The following OTC variants were observed in gnomAD, a reference collection of about 807,000 sequenced individuals.
The protein encoded by OTC is ornithine transcarbamylase, mitochondrial.
OTC carries 3 observed loss-of-function variants against 30.3 expected under a neutral mutation model. That is an observed-to-expected ratio of 0.10 (90% CI 0.05 to 0.26). OTC has a LOEUF of 0.26. Among genes scored for constraint, OTC ranks in the 10% least tolerant of loss-of-function variants. The pLI is 1.00. For synonymous variants in OTC, 111 were observed against 99.7 expected (o/e 1.11, Z -0.67); for missense variants, 194 against 260.3 (o/e 0.75, Z 1.75).
At chrX:38,420,979 C>G (rs755297191) in intron 9 of OTC, 44 bp from the exon 10 acceptor site, 14 of 1,014,382 alleles carry the variant, frequency 1.4e-5, no homozygotes, top group Non-Finnish European at 1.5e-5. Flanking sequence ...AGCAGACTGT[C>G]GCTAATGTTT....
rs749788803 is a variant in OTC, at chrX:38,367,184, A to G, written c.78-107A>G. 174 of 714,798 alleles carry G rather than the reference A, an allele frequency of 2.4e-4. 1 individual carries two copies. The highest frequency in any genetic ancestry group is 9.5e-4 in the African/African-American group (42 of 44,402). The allele number at this position is 714,798 out of a possible 1,213,427, so 58.9% of individuals were successfully genotyped here. ...AGTGAGAACCTGTCTCAAAAAAAAA[A>G]AAAAGAAAAGAAAAGAATGCCTTAT... On this transcript the variant is annotated intron_variant, in intron 1 of 9. Transcript: ENST00000039007.
chrX:38,396,502 G>A lies in OTC; in HGVS notation c.387-4773G>A, dbSNP rs186132019. Among the ~76,000 whole-genome samples the A allele has an allele frequency of 5.5e-3, 612 of 111,435 alleles. 6 individuals carry two copies. The highest frequency in any genetic ancestry group is 0.018 in the Middle Eastern group (4 of 217). On this transcript the variant is annotated intron_variant, in intron 4 of 9. Coordinates refer to ENST00000039007, the MANE Select transcript of OTC (RefSeq NM_000531.6). ...AAATTTAGACTTCTTAGCCAAGTGC[G>A]GTGGCTCACGCCTGTAATCCCAGCA...
chrX:38,333,837 C>T, the OTC span, among the ~76,000 whole-genome samples: 1 of 112,428 alleles, frequency 8.9e-6, no homozygotes, highest in African/African-American at 3.2e-5. Flanking sequence ...CTACAAACTC[C>T]GCTGGGAAAT....
chrX:38,406,341 A>G (rs2068515689), intron 6 of OTC, among the ~76,000 whole-genome samples: 1 of 112,354 alleles, frequency 8.9e-6, no homozygotes, highest in Non-Finnish European at 1.9e-5. Flanking sequence ...AATTTTGTCC[A>G]TGATTGTAAA....
chrX:38,375,228 A>G (rs1042641718), intron 3 of OTC, among the ~76,000 whole-genome samples: 1 of 112,088 alleles, frequency 8.9e-6, no homozygotes, highest in African/African-American at 3.2e-5. Flanking sequence ...AGTATGTTGG[A>G]AGATGATAAG....
chrX:38,376,455 A>T (rs1249863795), intron 3 of OTC, among the ~76,000 whole-genome samples: 2 of 111,851 alleles, frequency 1.8e-5, no homozygotes, highest in African/African-American at 6.5e-5. Flanking sequence ...TGGAAAATTC[A>T]TCTATGCTTA....
intron 3 of OTC, among the ~76,000 whole-genome samples, chrX:38,370,778 C>T (rs191931916): frequency 9.0e-6 from 1 of 111,245 alleles, no homozygotes; most frequent in Non-Finnish European, 1.9e-5. Context: ...CTGCTCTTCT[C>T]ACCCTTCAAA....
chrX:38,401,774 C>T (rs1001665985), intron 5 of OTC, among the ~76,000 whole-genome samples: 2 of 112,031 alleles, frequency 1.8e-5, no homozygotes, highest in African/African-American at 6.5e-5. Flanking sequence ...CTATAGACAT[C>T]AGGTCTGTGG....
chrX:38,344,945 C>A, the OTC span, among the ~76,000 whole-genome samples: 2 of 109,966 alleles, frequency 1.8e-5, no homozygotes, highest in African/African-American at 3.3e-5. Context: ...CAGTGGCTCA[C>A]GCTTGTAATC....
chrX:38,364,480 C>T (rs1186315071), intron 1 of OTC, among the ~76,000 whole-genome samples: 1 of 111,931 alleles, frequency 8.9e-6, no homozygotes, highest in Non-Finnish European at 1.9e-5. Flanking sequence ...TTGAATATGT[C>T]ATCAATGTCT....
rs368534980 is a variant in OTC, at chrX:38,411,665, C to CA, written c.868-182dup. ...TGGGTGACAGAGCGAGACTCTGTCTCAAAAAAAAAAAAAAATTTGAAAGTA... is the reference window on the plus strand; with the variant it reads ...TGGGTGACAGAGCGAGACTCTGTCTCAAAAAAAAAAAAAAAATTTGAAAGTA... On this transcript the variant is annotated intron_variant, in intron 8 of 9. Transcript: ENST00000039007. Among the ~76,000 whole-genome samples, 2,861 of 87,796 alleles carry CA rather than the reference C, an allele frequency of 0.033. 110 individuals are homozygous for CA. The highest frequency in any genetic ancestry group is 0.11 in the African/African-American group (2,612 of 24,267). The allele number at this position is 87,796 out of a possible 115,157, so 76.2% of individuals were successfully genotyped here.
downstream of OTC, among the ~76,000 whole-genome samples, chrX:38,421,919 A>AT (rs1232932582): frequency 1.0e-5 from 1 of 96,963 alleles, no homozygotes; most frequent in African/African-American, 4.2e-5. Context: ...ATTTTAGCCA[A>AT]TCTTTTTCCT....
At position 38,361,954 on chromosome X, in the gene OTC, C is replaced by A. The variant is rs750462169; in HGVS notation, c.78-5337C>A. 8.1e-5 allele frequency among the ~76,000 whole-genome samples: 9 copies of A among 110,772 alleles called. No homozygotes were observed. In the East Asian group the frequency reaches 2.5e-3, roughly 31 times the overall value. On this transcript the variant is annotated intron_variant, in intron 1 of 9. Transcript: ENST00000039007. ...GGCTATTCACAGTCCCACACACTAC[C>A]ATGCAAATTAAAAACTGCCTGTGTT...
chrX:38,413,904 C>A (rs3788830), intron 9 of OTC, among the ~76,000 whole-genome samples: 27,995 of 107,080 alleles, frequency 0.26, 3,027 homozygotes, highest in African/African-American at 0.35. Flanking sequence ...GAACTCCTGA[C>A]CTCAAATGAT....
chrX:38,417,682 A>G lies in OTC; in HGVS notation c.1006-3341A>G, dbSNP rs750865801. The stretch of plus-strand genomic sequence containing the variant: ...TCAGTTAACACTTTTGAAATATAAG[A>G]CCTGCACTTTTGATATAGGCTAGGA... On this transcript the variant is annotated intron_variant, in intron 9 of 9. Transcript: ENST00000039007. Among the ~76,000 whole-genome samples the G allele has an allele frequency of 8.9e-5, 10 of 112,184 alleles. No individual in the cohort carries two copies. The East Asian group carries it at 2.8e-3, about 31-fold the overall frequency.
At chrX:38,413,266 G>A (rs1391480356) in intron 9 of OTC, among the ~76,000 whole-genome samples, 1 of 112,075 alleles carries the variant, frequency 8.9e-6, no homozygotes, top group African/African-American at 3.2e-5. Flanking sequence ...AAAGCTTTTA[G>A]TATAGTACAT....
chrX:38,374,779 A>G (rs2068337663), intron 3 of OTC, among the ~76,000 whole-genome samples: 1 of 111,968 alleles, frequency 8.9e-6, no homozygotes, highest in Admixed American at 9.5e-5. Context: ...TCAACCCTCA[A>G]TGGTACTCAT....
rs754227666 is a variant in OTC, at chrX:38,407,133, C to G, written c.664-1609C>G. Among the ~76,000 whole-genome samples the G allele has an allele frequency of 3.3e-3, 368 of 112,764 alleles. 4 individuals are homozygous for G. Among genetic ancestry groups the G allele is most frequent in the African/African-American group, 0.012 (360 of 31,086 alleles). On this transcript the variant is annotated intron_variant, in intron 6 of 9. Transcript: ENST00000039007. ...CTGAGTTGCGATGCAGACCCAACAA[C>G]AGCCTTGGCTGATCTTATGGAAAGT...
At chrX:38,410,699 T>A (rs1160871269) in intron 8 of OTC, among the ~76,000 whole-genome samples, 1 of 112,349 alleles carries the variant, frequency 8.9e-6, no homozygotes, top group Non-Finnish European at 1.9e-5. Context: ...TTTTAAATTA[T>A]ATAAATTGCT....
Sources: gnomAD v4.1 joint callset for allele counts (sites outside exome capture counted in the v4.1 genomes callset) on GRCh38, gnomAD v4.1.1 for gene constraint, MANE v1.5 for transcripts, NCBI Gene and HGNC (gene_info 2026-07-23, HGNC 2026-07-21) for gene names.